Variants in OGDH observed in about 807,000 individuals in gnomAD.
OGDH encodes oxoglutarate dehydrogenase.
A neutral mutation model predicts 116.6 loss-of-function variants in OGDH; 38 were observed. That is an observed-to-expected ratio of 0.33 (90% CI 0.25 to 0.43). The LOEUF is 0.43. Ranked by LOEUF, OGDH falls within the 20% of genes least tolerant of loss-of-function variation. The pLI is 1.00. For missense variants in OGDH, 825 were observed against 1,357.2 expected (o/e 0.61, Z 6.16); for synonymous variants, 488 against 533.3 (o/e 0.92, Z 1.17).
Position 44,652,719 on chromosome 7 carries a change from A to G in OGDH, c.517+4960A>G, listed in dbSNP as rs140272927. On this transcript the variant is annotated intron_variant, in intron 4 of 22. Coordinates refer to ENST00000222673, the MANE Select transcript of OGDH (RefSeq NM_002541.4). ...CCCAGCTGACATGTATTAAATACAC[A>G]TTTCTCTTCACTCACATTCCATAGT... Among the ~76,000 whole-genome samples, 406 of 152,172 alleles carry G rather than the reference A, an allele frequency of 2.7e-3. 1 individual carries two copies. The highest frequency in any genetic ancestry group is 9.4e-3 in the African/African-American group (391 of 41,528).
intron 17 of OGDH, 100 bp from the exon 18 acceptor site, chr7:44,698,092 G>C: frequency 7.3e-7 from 1 of 1,363,154 alleles, no homozygotes. Context: ...CAAGAAAAAA[G>C]ATAACCAGAA....
At position 44,707,361 on chromosome 7, in the gene OGDH, G is replaced by A; in HGVS notation, c.2769G>A (p.Gly923=). The change falls in exon 21 of 23, where the codon GGG becomes GGA. Residue 923 remains glycine (G), a synonymous_variant. Transcript: ENST00000222673. This position sits in a 1 kb window ranked among gnomAD's most constrained non-coding sequence, Gnocchi z 5.2. ...TRERKARDMV[G]QVAITRIEQL... Reference sequence around the variant, plus strand: ...AGCGCAAAGCACGCGACATGGTGGGGCAGGTGGCCATCACAAGGATTGAGC... The same window carrying A: ...AGCGCAAAGCACGCGACATGGTGGGACAGGTGGCCATCACAAGGATTGAGC... 2.5e-6 allele frequency: 4 copies of A among 1,614,246 alleles called. No homozygotes were observed. Among genetic ancestry groups the A allele is most frequent in the Non-Finnish European group, 3.4e-6 (4 of 1,180,040 alleles).
In OGDH at chr7:44,697,852, G is replaced by GACTGGC; in HGVS notation, c.2358+73_2358+78dup. On this transcript the variant is annotated intron_variant, in intron 17 of 22. Coordinates refer to ENST00000222673, the MANE Select transcript of OGDH (RefSeq NM_002541.4). The surrounding 1 kb of genome is among the most constrained non-coding windows in gnomAD (Gnocchi z 6.0). ...GCCTGTGTAGGACCCTGACCCCAAA[G>GACTGGC]ACTGGCACGAGAGCCAGTGGCTCAC... The GACTGGC allele has an allele frequency of 6.6e-7, 1 of 1,519,010 alleles. No homozygotes were observed. Among genetic ancestry groups the GACTGGC allele is most frequent in the Admixed American group, 2.1e-5 (1 of 46,598 alleles). The allele number at this position is 1,519,010 out of a possible 1,614,324, so 94.1% of individuals were successfully genotyped here. A position where few individuals can be genotyped will look rare whatever the true frequency, so the allele number is the denominator to read the frequency against.
chr7:44,704,374 T>G (rs1788971737), intron 20 of OGDH, among the ~76,000 whole-genome samples: 1 of 152,012 alleles, frequency 6.6e-6, no homozygotes, highest in African/African-American at 2.4e-5. Flanking sequence ...TCTATTAAAA[T>G]CCTTTTTTTT....
Position 44,621,149 on chromosome 7 carries a change from C to T in OGDH, c.-27-3168C>T, listed in dbSNP as rs112681060. Among the ~76,000 whole-genome samples the T allele has an allele frequency of 1.6e-3, 238 of 152,298 alleles. 1 individual carries two copies. Among genetic ancestry groups the T allele is most frequent in the African/African-American group, 5.2e-3 (217 of 41,560 alleles). ...AGTGGAGTGGCACGATCATAGCTTA[C>T]TGAAGCCTTGACCTCCTGGGCTCAG... On this transcript the variant is annotated intron_variant, in intron 1 of 22. Coordinates refer to ENST00000222673, the MANE Select transcript of OGDH (RefSeq NM_002541.4).
At position 44,676,000 on chromosome 7, in the gene OGDH, A is replaced by G. The variant is rs781254255; in HGVS notation, c.1057A>G (p.Met353Val). The G allele has an allele frequency of 6.8e-6, 11 of 1,614,116 alleles. No individual in the cohort carries two copies. Among genetic ancestry groups the G allele is most frequent in the Non-Finnish European group, 9.3e-6 (11 of 1,180,018 alleles). Residue 353 changes from methionine (M) to valine (V), a missense_variant, in exon 9 of 23, where the codon ATG becomes GTG. Around this residue, in one of 7 missense-constraint regions of OGDH, gnomAD observed 146 missense variants for 317.3 expected, o/e 0.46. Transcript: ENST00000222673. Reference protein sequence around the residue: ...GSGDVKYHLGMYHRRINRVTD... With the variant: ...GSGDVKYHLGVYHRRINRVTD... ...CGGAGATGTGAAGTACCACCTGGGC[A>G]TGTATCACCGCAGGATCAATCGTGT...
At position 44,697,547 on chromosome 7, in the gene OGDH, C is replaced by T. The variant is rs1225611282; in HGVS notation, c.2179+50C>T. The T allele has an allele frequency of 1.2e-6, 2 of 1,613,710 alleles. No individual in the cohort carries two copies. The highest frequency in any genetic ancestry group is 2.2e-5 in the East Asian group (1 of 44,868). On this transcript the variant is annotated intron_variant, in intron 16 of 22. Coordinates refer to ENST00000222673, the MANE Select transcript of OGDH (RefSeq NM_002541.4). This position sits in a 1 kb window ranked among gnomAD's most constrained non-coding sequence, Gnocchi z 6.0. ...AGGGCCTGTCACCCACCCACCCCCG[C>T]TGGGCCTACTGGCTGGTGTCCTGGA...
intron 1 of OGDH, among the ~76,000 whole-genome samples, chr7:44,610,247 TAG>T (rs1251175321): frequency 6.6e-6 from 1 of 152,220 alleles, no homozygotes; most frequent in Non-Finnish European, 1.5e-5. Flanking sequence ...GTTGGATATG[TAG>T]TTTGCAGATA....
chr7:44,641,875 C>A (rs181106529), intron 2 of OGDH, among the ~76,000 whole-genome samples: 1 of 152,356 alleles, frequency 6.6e-6, no homozygotes, highest in African/African-American at 2.4e-5. Flanking sequence ...GTGTCCTTGA[C>A]AGAACCAGTC....
intron 2 of OGDH, among the ~76,000 whole-genome samples, chr7:44,642,690 A>C (rs973011538): frequency 8.5e-5 from 13 of 152,254 alleles, no homozygotes; most frequent in Admixed American, 5.9e-4. Flanking sequence ...TTGGGAGGCC[A>C]AGGCGGGTGG....
chr7:44,607,855 T>C (rs7778987), intron 1 of OGDH, among the ~76,000 whole-genome samples: 150,455 of 152,190 alleles, frequency 0.99, 74,391 homozygotes, highest in Middle Eastern at 1. Context: ...GCACGCGCCA[T>C]CACGCCCGGC....
intron 7 of OGDH, 143 bp downstream of exon 7, chr7:44,674,700 T>C (rs1037653669): frequency 1.1e-6 from 1 of 878,960 alleles, no homozygotes; most frequent in Non-Finnish European, 1.8e-6. Context: ...CCTGAGGGTG[T>C]ATTGCTTTGC....
At chr7:44,703,151 C>A (rs745704034) in intron 20 of OGDH, among the ~76,000 whole-genome samples, 1 of 152,074 alleles carries the variant, frequency 6.6e-6, no homozygotes, top group African/African-American at 2.4e-5. Context: ...CATGGTGGCT[C>A]ATGCCTATAA....
intron 3 of OGDH, 45 bp downstream of exon 3, chr7:44,645,563 C>G: frequency 6.3e-7 from 1 of 1,584,652 alleles, no homozygotes. Flanking sequence ...GTGCAGTGTT[C>G]CTTAGGTCAT....
intron 10 of OGDH, among the ~76,000 whole-genome samples, chr7:44,691,031 A>G (rs1788341924): frequency 6.6e-6 from 1 of 152,052 alleles, no homozygotes; most frequent in South Asian, 2.1e-4. Flanking sequence ...ATAAATATAG[A>G]GTTAGATTTT....
At chr7:44,682,919 C>A (rs533230071) in intron 10 of OGDH, among the ~76,000 whole-genome samples, 8 of 151,956 alleles carry the variant, frequency 5.3e-5, no homozygotes, top group African/African-American at 1.7e-4. Flanking sequence ...GCGGCCGAGG[C>A]AGACGGATCA....
Position 44,700,268 on chromosome 7 carries a change from C to T in OGDH, c.2558C>T (p.Pro853Leu). Residue 853 changes from proline (P) to leucine (L), a missense_variant and splice_region_variant, in exon 19 of 23, where the codon CCG becomes CTG. This residue lies in a region of OGDH where 212 missense variants were observed against 284.3 expected (regional missense o/e 0.75). Coordinates refer to ENST00000222673, the MANE Select transcript of OGDH (RefSeq NM_002541.4). ...CAGATCCTGCTGCCATTCCGGAAGCCGGTCAGTGGCAGGGCCTCCCTTGCT... is the reference window on the plus strand; with the variant it reads ...CAGATCCTGCTGCCATTCCGGAAGCTGGTCAGTGGCAGGGCCTCCCTTGCT... ...RRQILLPFRK[P>L]LIIFTPKSLL... The T allele has an allele frequency of 6.2e-7, 1 of 1,614,118 alleles. No homozygotes were observed. Among genetic ancestry groups the T allele is most frequent in the Middle Eastern group, 1.7e-4 (1 of 6,060 alleles).
At chr7:44,684,641 G>A (rs1053421169) in intron 10 of OGDH, among the ~76,000 whole-genome samples, 2 of 152,106 alleles carry the variant, frequency 1.3e-5, no homozygotes, top group African/African-American at 4.8e-5. Flanking sequence ...GAGGAGCAGA[G>A]AGATTGAATA....
intron 10 of OGDH, 127 bp from the exon 11 acceptor site, chr7:44,693,698 C>A: frequency 3.2e-6 from 2 of 617,680 alleles, no homozygotes; most frequent in Non-Finnish European, 5.2e-6. Context: ...TGTAAACAGC[C>A]ATTTTGGGGT....
Sources: gnomAD v4.1 joint callset for allele counts (sites outside exome capture counted in the v4.1 genomes callset) on GRCh38, gnomAD v4.1.1 for gene constraint, gnomAD v4.1.1 regional missense constraint, Gnocchi (gnomAD v3.1) non-coding constraint, MANE v1.5 for transcripts, NCBI Gene and HGNC (gene_info 2026-07-23, HGNC 2026-07-21) for gene names.